Variants in ERC1 observed in about 807,000 individuals in gnomAD.
The protein encoded by ERC1 is RAB6 interacting protein 2.
In ERC1, 56 loss-of-function variants were observed where a neutral mutation model predicts 132.0. That is an observed-to-expected ratio of 0.42 (90% CI 0.34 to 0.53). The LOEUF is 0.53. Among genes scored for constraint, ERC1 ranks in the 20% least tolerant of loss-of-function variants. The pLI, the probability that ERC1 is intolerant of heterozygous loss-of-function variation, is 0.03. For synonymous variants in ERC1, 478 were observed against 476.1 expected (o/e 1.00, Z -0.05); for missense variants, 1,202 against 1,349.9 (o/e 0.89, Z 1.72).
chr12:1,293,115 G>A (rs1371518472), intron 15 of ERC1, among the ~76,000 whole-genome samples: 1 of 146,040 alleles, frequency 6.8e-6, no homozygotes, highest in African/African-American at 2.5e-5. Context: ...TTGCACTCCA[G>A]CCTGGGTGAC....
chr12:1,430,380 G>A (rs2092758405), intron 17 of ERC1: 1 of 151,420 alleles, frequency 6.6e-6, no homozygotes, highest in African/African-American at 2.4e-5. Context: ...TAATTTTCAG[G>A]CTTTTTTTTT....
intron 14 of ERC1, among the ~76,000 whole-genome samples, chr12:1,283,846 G>A (rs2078857480): frequency 1.3e-5 from 2 of 152,194 alleles, no homozygotes; most frequent in African/African-American, 2.4e-5. Flanking sequence ...TGTACAATGT[G>A]TAATGATCAA....
chr12:1,466,019 T>C (rs1036851990), intron 18 of ERC1, among the ~76,000 whole-genome samples: 1 of 152,206 alleles, frequency 6.6e-6, no homozygotes, highest in African/African-American at 2.4e-5. Context: ...GAAGGCGCCT[T>C]CCAGTGTATA....
In ERC1 at chr12:992,042, G is replaced by A. The variant is rs75879167; in HGVS notation, c.-157+720G>A. 2.2e-3 allele frequency among the ~76,000 whole-genome samples: 338 copies of A among 152,236 alleles called. 7 individuals carry two copies. In the East Asian group the frequency reaches 0.032, roughly 14 times the overall value. ...ACTTTGGCTCAGGTAAATTGTGAGC[G>A]TGGATGTATCTGAAAGTTTTACACC... On this transcript the variant is annotated intron_variant, in intron 1 of 18. Transcript: ENST00000360905.
intron 5 of ERC1, among the ~76,000 whole-genome samples, chr12:1,111,998 T>C (rs552668883): frequency 1.2e-4 from 18 of 152,282 alleles, no homozygotes; most frequent in Non-Finnish European, 5.9e-5. Flanking sequence ...TGTTTATGTT[T>C]TTCATTTGTT....
At position 1,291,198 on chromosome 12, in the gene ERC1, C is replaced by T. The variant is rs749149807; in HGVS notation, c.2780+1186C>T. Among the ~76,000 whole-genome samples the T allele has an allele frequency of 1.2e-4, 18 of 152,234 alleles. 1 individual carries two copies. Among genetic ancestry groups the T allele is most frequent in the South Asian group, 4.1e-4 (2 of 4,826 alleles). ...TCCTCTGTGCTTTCACGTTCTTGGG[C>T]TATAGTGCAAGGCTACGAGATTCTG... On this transcript the variant is annotated intron_variant, in intron 15 of 18. Coordinates refer to ENST00000360905, the MANE Select transcript of ERC1 (RefSeq NM_178040.4).
intron 12 of ERC1, among the ~76,000 whole-genome samples, chr12:1,230,656 A>C (rs2074959006): frequency 6.6e-6 from 1 of 152,192 alleles, no homozygotes; most frequent in Non-Finnish European, 1.5e-5. Flanking sequence ...CATTGTTAAA[A>C]GTGGGGTAGT....
chr12:1,248,328 A>C (rs1445972772), intron 13 of ERC1, among the ~76,000 whole-genome samples: 2 of 152,210 alleles, frequency 1.3e-5, no homozygotes, highest in Non-Finnish European at 1.5e-5. Context: ...AAACAATAAA[A>C]CTAAACAAAT....
intron 16 of ERC1, among the ~76,000 whole-genome samples, chr12:1,405,628 A>G (rs748912141): frequency 1.2e-4 from 18 of 152,288 alleles, no homozygotes; most frequent in Admixed American, 3.3e-4. Flanking sequence ...ACTTGAACCC[A>G]GGAGGCAGAG....
At chr12:1,421,132 T>C (rs1415650735) in intron 17 of ERC1, among the ~76,000 whole-genome samples, 1 of 152,186 alleles carries the variant, frequency 6.6e-6, no homozygotes, top group East Asian at 1.9e-4. Context: ...TAATATTCAC[T>C]CTTCTAGCTA....
At chr12:1,040,976 C>T (rs1229840592) in intron 2 of ERC1, among the ~76,000 whole-genome samples, 1 of 152,066 alleles carries the variant, frequency 6.6e-6, no homozygotes, top group East Asian at 1.9e-4. Context: ...CTTGAAGAGT[C>T]CTCTGTAGCA....
chr12:1,483,363 G>A (rs900239941), intron 18 of ERC1, among the ~76,000 whole-genome samples: 3 of 152,080 alleles, frequency 2.0e-5, no homozygotes, highest in Non-Finnish European at 2.9e-5. Flanking sequence ...TTCATTTAAT[G>A]TAATGTTTTT....
intron 12 of ERC1, among the ~76,000 whole-genome samples, chr12:1,210,375 T>G (rs1157304321): frequency 6.6e-6 from 1 of 152,234 alleles, no homozygotes; most frequent in Non-Finnish European, 1.5e-5. Context: ...GACGGTCTTT[T>G]TAAGCTGCAG....
intron 16 of ERC1, among the ~76,000 whole-genome samples, chr12:1,407,101 G>A (rs1377848861): frequency 6.6e-6 from 1 of 151,908 alleles, no homozygotes; most frequent in African/African-American, 2.4e-5. Context: ...TTTATTCAAG[G>A]CCTAAATTAA....
intron 17 of ERC1, 48 bp downstream of exon 17, chr12:1,408,295 T>G (rs2091636198): frequency 1.4e-6 from 2 of 1,402,662 alleles, no homozygotes; most frequent in African/African-American, 2.8e-5. Flanking sequence ...ACACTTAAAT[T>G]TTGAAATGTT....
At chr12:1,296,877 A>G (rs2079994887) in intron 15 of ERC1, among the ~76,000 whole-genome samples, 1 of 152,238 alleles carries the variant, frequency 6.6e-6, no homozygotes, top group Non-Finnish European at 1.5e-5. Context: ...CATGTGGAAC[A>G]CTAGAAGGAT....
At chr12:1,073,512 G>A (rs1940798325) in intron 2 of ERC1, among the ~76,000 whole-genome samples, 1 of 151,190 alleles carries the variant, frequency 6.6e-6, no homozygotes, top group Admixed American at 6.6e-5. Context: ...ATTAGGGGGT[G>A]GTGGCGTACA....
At chr12:1,226,481 TATTA>T (rs1400589024) in intron 12 of ERC1, among the ~76,000 whole-genome samples, 4 of 152,290 alleles carry the variant, frequency 2.6e-5, no homozygotes, top group East Asian at 3.9e-4. Context: ...CGAACAGTAT[TATTA>T]ATTATAGTCT....
intron 18 of ERC1, among the ~76,000 whole-genome samples, chr12:1,445,576 T>C (rs1158684944): frequency 6.6e-6 from 1 of 150,972 alleles, no homozygotes; most frequent in Non-Finnish European, 1.5e-5. Flanking sequence ...GTCTAGTTGA[T>C]ATTTTGTAAC....
Sources: gnomAD v4.1 joint callset for allele counts (sites outside exome capture counted in the v4.1 genomes callset) on GRCh38, gnomAD v4.1.1 for gene constraint, MANE v1.5 for transcripts, NCBI Gene and HGNC (gene_info 2026-07-23, HGNC 2026-07-21) for gene names.